The following GGNBP2 variants were observed in gnomAD, a reference collection of about 807,000 sequenced individuals.
The protein encoded by GGNBP2 is gametogenetin binding protein 2.
A neutral mutation model predicts 85.9 loss-of-function variants in GGNBP2; 10 were observed. That is an observed-to-expected ratio of 0.12 (90% CI 0.07 to 0.20). The LOEUF is 0.20. GGNBP2 is among the 10% of genes least tolerant of loss of function. GGNBP2 has a pLI of 1.00. For missense variants in GGNBP2, 595 were observed against 857.8 expected (o/e 0.69, Z 3.83); for synonymous variants, 287 against 285.7 (o/e 1.00, Z -0.05).
intron 6 of GGNBP2, chr17:36,574,598 T>G (rs2074558222): frequency 3.6e-6 from 2 of 549,194 alleles, no homozygotes; most frequent in Admixed American, 5.9e-5. Flanking sequence ...CAGGTAGCTG[T>G]AGGTCTTAGA....
Position 36,545,622 on chromosome 17 carries a change from G to C in GGNBP2, c.-103G>C. On this transcript the variant is annotated 5_prime_UTR_variant, in exon 2 of 14. Transcript: ENST00000613102. ...TCGCGGGGTTTGGCTGTTGCAGGCA[G>C]GAGCTGGGAGGAGGCGGCAGCGGCG... 2 of 863,872 alleles carry C rather than the reference G, an allele frequency of 2.3e-6. No homozygotes were observed. The highest frequency in any genetic ancestry group is 3.7e-6 in the Non-Finnish European group (2 of 535,064). 53.5% of individuals were successfully genotyped at this position (863,872 alleles called of 1,614,324 possible).
At chr17:36,558,761 CTT>C (rs79491251) in intron 4 of GGNBP2, among the ~76,000 whole-genome samples, 7 of 148,428 alleles carry the variant, frequency 4.7e-5, no homozygotes, top group Non-Finnish European at 6.0e-5. Flanking sequence ...TGGCTGAGGT[CTT>C]TTTTTTTTTA....
chr17:36,575,648 A>ATATATATATATATATTTT (rs374366757), intron 6 of GGNBP2, among the ~76,000 whole-genome samples: 1 of 54,912 alleles, frequency 1.8e-5, no homozygotes, highest in Non-Finnish European at 2.9e-5. Context: ...ATATATATAT[A>ATATATATATATATATTTT]TTTTTTTTTT....
At chr17:36,562,230 C>T (rs550331041) in intron 5 of GGNBP2, among the ~76,000 whole-genome samples, 7 of 152,028 alleles carry the variant, frequency 4.6e-5, no homozygotes, top group South Asian at 2.1e-4. Context: ...TGCAGTGGTA[C>T]GATCTCAGCT....
chr17:36,576,639 A>ATG (rs2074592979), intron 6 of GGNBP2: 1 of 130,174 alleles, frequency 7.7e-6, no homozygotes, highest in African/African-American at 3.1e-5. Flanking sequence ...GTATATGTAT[A>ATG]TATGTATATG....
intron 6 of GGNBP2, among the ~76,000 whole-genome samples, chr17:36,571,285 C>G (rs1193268584): frequency 6.6e-6 from 1 of 152,090 alleles, no homozygotes; most frequent in Non-Finnish European, 1.5e-5. Context: ...AGTGTGGTGG[C>G]TCACTCCTCT....
intron 6 of GGNBP2, among the ~76,000 whole-genome samples, chr17:36,569,495 G>A (rs1042509270): frequency 6.6e-6 from 1 of 152,228 alleles, no homozygotes; most frequent in Non-Finnish European, 1.5e-5. Flanking sequence ...AGTTGCGTTT[G>A]TGGTTGTATG....
intron 3 of GGNBP2, among the ~76,000 whole-genome samples, chr17:36,555,841 G>A (rs2074356241): frequency 6.6e-6 from 1 of 152,136 alleles, no homozygotes; most frequent in African/African-American, 2.4e-5. Flanking sequence ...ATAATGACAA[G>A]GAAGAAAAGT....
rs537295844 is a variant in GGNBP2, at chr17:36,585,160, T to C, written c.1216-140T>C. 1.2e-4 allele frequency: 78 copies of C among 672,068 alleles called. No homozygotes were observed. The African/African-American group carries it at 1.4e-3, about 12-fold the overall frequency. 41.6% of individuals were successfully genotyped at this position (672,068 alleles called of 1,614,324 possible). A position where few individuals can be genotyped will look rare whatever the true frequency, so the allele number is the denominator to read the frequency against. ...ACTAATATCTTTACCCACCATTACT[T>C]TTGTACTGTCAGTGTAAATGTCAGT... On this transcript the variant is annotated intron_variant, in intron 9 of 13. Coordinates refer to ENST00000613102, the MANE Select transcript of GGNBP2 (RefSeq NM_024835.5).
At chr17:36,548,940 G>A (rs866245401) in intron 2 of GGNBP2, among the ~76,000 whole-genome samples, 5 of 151,208 alleles carry the variant, frequency 3.3e-5, no homozygotes, top group Non-Finnish European at 5.9e-5. Flanking sequence ...GTGAAACTCC[G>A]TTTCAAAAAA....
At position 36,570,577 on chromosome 17, in the gene GGNBP2, A is replaced by G. The variant is rs146918219; in HGVS notation, c.641+2801A>G. On this transcript the variant is annotated intron_variant, in intron 6 of 13. Coordinates refer to ENST00000613102, the MANE Select transcript of GGNBP2 (RefSeq NM_024835.5). ...TAGCTGGGCGTGGTGGTGGGTGCCTATAATCCCAACTACTCAGGAGGCTGA... is the reference window on the plus strand; with the variant it reads ...TAGCTGGGCGTGGTGGTGGGTGCCTGTAATCCCAACTACTCAGGAGGCTGA... 5.1e-3 allele frequency among the ~76,000 whole-genome samples: 774 copies of G among 152,170 alleles called. 13 individuals carry two copies. The highest frequency in any genetic ancestry group is 0.026 in the East Asian group (135 of 5,166).
At chr17:36,571,842 C>CA (rs1315522499) in intron 6 of GGNBP2, among the ~76,000 whole-genome samples, 4 of 149,312 alleles carry the variant, frequency 2.7e-5, no homozygotes, top group Non-Finnish European at 4.5e-5. Flanking sequence ...GACTCCATCT[C>CA]AAAAAAAAGA....
At chr17:36,559,920 C>T (rs538981789) in intron 4 of GGNBP2, among the ~76,000 whole-genome samples, 5 of 152,206 alleles carry the variant, frequency 3.3e-5, no homozygotes, top group African/African-American at 7.2e-5. Context: ...TTGCTACCTC[C>T]GCCTCCCAGA....
chr17:36,585,144 T>A (rs1050983612), intron 9 of GGNBP2, among the ~76,000 whole-genome samples, 156 bp from the exon 10 acceptor site: 1 of 152,224 alleles, frequency 6.6e-6, no homozygotes, highest in East Asian at 1.9e-4. Flanking sequence ...GACTAATATC[T>A]TTACCCACCA....
At position 36,580,833 on chromosome 17, in the gene GGNBP2, C is replaced by T. The variant is rs140210609; in HGVS notation, c.1021-511C>T. 6.9e-3 allele frequency among the ~76,000 whole-genome samples: 1,035 copies of T among 150,846 alleles called. 6 individuals carry two copies. The highest frequency in any genetic ancestry group is 8.1e-3 in the Non-Finnish European group (551 of 67,686). On this transcript the variant is annotated intron_variant, in intron 8 of 13. Coordinates refer to ENST00000613102, the MANE Select transcript of GGNBP2 (RefSeq NM_024835.5). ...ACTTGAGAGGCTGAGGCAGGAGAAT[C>T]GCTTGAACCTGGGTGGTAGAGGTTG... is the stretch of plus-strand genomic sequence containing the variant.
intron 2 of GGNBP2, among the ~76,000 whole-genome samples, chr17:36,554,431 G>A (rs902339182): frequency 2.9e-4 from 35 of 122,060 alleles, no homozygotes; most frequent in African/African-American, 1.1e-3. Context: ...GCAGTGGTGC[G>A]ATTTCAGCTC....
chr17:36,565,175 T>C (rs1452087362), intron 5 of GGNBP2, among the ~76,000 whole-genome samples: 1 of 152,138 alleles, frequency 6.6e-6, no homozygotes, highest in Non-Finnish European at 1.5e-5. Context: ...GACCCAAAAG[T>C]GGACATTGGA....
intron 5 of GGNBP2, among the ~76,000 whole-genome samples, chr17:36,563,615 T>G (rs2074441139): frequency 6.7e-6 from 1 of 150,294 alleles, no homozygotes. Context: ...TGAATGTTGG[T>G]TTGTATGAAT....
chr17:36,556,356 G>C (rs570244194), intron 3 of GGNBP2, among the ~76,000 whole-genome samples: 1 of 152,262 alleles, frequency 6.6e-6, no homozygotes, highest in African/African-American at 2.4e-5. Flanking sequence ...CTTGACTCCT[G>C]TAGCTAAACA....
Sources: gnomAD v4.1 joint callset for allele counts (sites outside exome capture counted in the v4.1 genomes callset) on GRCh38, gnomAD v4.1.1 for gene constraint, MANE v1.5 for transcripts, NCBI Gene and HGNC (gene_info 2026-07-23, HGNC 2026-07-21) for gene names.